Variants in SYTL5 observed in about 807,000 individuals in gnomAD.
The protein encoded by SYTL5 is synaptotagmin-like protein 5.
A neutral mutation model predicts 55.9 loss-of-function variants in SYTL5; 34 were observed. The observed-to-expected ratio is 0.61, with a 90% CI of 0.46 to 0.81. SYTL5 has a LOEUF of 0.81. Among genes scored for constraint, SYTL5 ranks in the 30% least tolerant of loss-of-function variants. SYTL5 has a pLI of 0.00. For synonymous variants in SYTL5, 221 were observed against 188.7 expected (o/e 1.17, Z -1.40); for missense variants, 637 against 546.7 (o/e 1.17, Z -1.65).
At chrX:37,954,767 G>A in the SYTL5 span, among the ~76,000 whole-genome samples, 11 of 111,061 alleles carry the variant, frequency 9.9e-5, no homozygotes, top group Admixed American at 6.7e-4. Context: ...CACCACACAC[G>A]TACGCACACA....
chrX:37,942,828 C>T, the SYTL5 span, among the ~76,000 whole-genome samples: 1 of 111,511 alleles, frequency 9.0e-6, no homozygotes, highest in African/African-American at 3.3e-5. Flanking sequence ...TAGCTATGCC[C>T]GATCACAGAG....
intron 2 of SYTL5, among the ~76,000 whole-genome samples, chrX:38,035,452 G>A (rs986444862): frequency 2.2e-4 from 24 of 111,237 alleles, no homozygotes; most frequent in Non-Finnish European, 4.3e-4. Flanking sequence ...TTAGCCGGGC[G>A]TGGTGGCGGG....
At chrX:37,952,828 A>G in the SYTL5 span, among the ~76,000 whole-genome samples, 1 of 111,346 alleles carries the variant, frequency 9.0e-6, no homozygotes, top group Non-Finnish European at 1.9e-5. Flanking sequence ...TGGAGGACAG[A>G]TTTAGGGGAA....
the SYTL5 span, among the ~76,000 whole-genome samples, chrX:37,956,971 T>G: frequency 0.36 from 39,517 of 110,398 alleles, 5,133 homozygotes; most frequent in East Asian, 0.6. Flanking sequence ...CCTTTTTATC[T>G]TAGCCATTCT....
chrX:38,041,800 A>G (rs1339861414), intron 2 of SYTL5, among the ~76,000 whole-genome samples: 2 of 111,825 alleles, frequency 1.8e-5, no homozygotes, highest in Non-Finnish European at 3.8e-5. Context: ...AAATAAATAA[A>G]CTTGCCAGAT....
chrX:37,959,735 T>C, the SYTL5 span, among the ~76,000 whole-genome samples: 1 of 111,764 alleles, frequency 8.9e-6, no homozygotes, highest in Admixed American at 9.5e-5. Flanking sequence ...CTTTCCCTAA[T>C]ATGTCCCTTT....
intron 9 of SYTL5, among the ~76,000 whole-genome samples, chrX:38,101,321 T>C (rs998854420): frequency 1.6e-4 from 18 of 111,368 alleles, no homozygotes; most frequent in African/African-American, 5.9e-4. Flanking sequence ...TATATATCTA[T>C]GTTTTATGTA....
At position 38,128,691 on chromosome X, in the gene SYTL5, C is replaced by A. The variant is rs978556678; in HGVS notation, c.*1961C>A. 3.6e-5 allele frequency: 4 copies of A among 111,683 alleles called. No homozygotes were observed. The highest frequency in any genetic ancestry group is 5.6e-5 in the Non-Finnish European group (3 of 53,156). 9.2% of individuals were successfully genotyped at this position (111,683 alleles called of 1,213,427 possible). On this transcript the variant is annotated 3_prime_UTR_variant, in exon 17 of 17. Transcript: ENST00000297875. ...TGGTTATTAGTCTAGTGTCGCTTAGCAAGGTACTTAAAAGAAAATCTGCAC... is the reference window on the plus strand; with the variant it reads ...TGGTTATTAGTCTAGTGTCGCTTAGAAAGGTACTTAAAAGAAAATCTGCAC...
chrX:38,115,772 ATTAT>A (rs1172802525), intron 13 of SYTL5, among the ~76,000 whole-genome samples: 1 of 111,144 alleles, frequency 9.0e-6, no homozygotes, highest in East Asian at 2.8e-4. Context: ...ATTTAATTGG[ATTAT>A]TTGTTTTCTT....
chrX:37,932,347 T>G, the SYTL5 span, among the ~76,000 whole-genome samples: 2 of 111,525 alleles, frequency 1.8e-5, no homozygotes, highest in Admixed American at 9.5e-5. Context: ...ATCTTTACTT[T>G]AAAGAGATGG....
At chrX:37,999,399 C>T in the SYTL5 span, among the ~76,000 whole-genome samples, 39 of 112,643 alleles carry the variant, frequency 3.5e-4, 1 homozygote, top group African/African-American at 8.7e-4. Flanking sequence ...ATTTGATCCT[C>T]TTAATGTTCT....
At chrX:37,991,845 CTTT>C in the SYTL5 span, among the ~76,000 whole-genome samples, 1 of 111,942 alleles carries the variant, frequency 8.9e-6, no homozygotes, top group South Asian at 3.8e-4. Flanking sequence ...TTTCTTATTT[CTTT>C]ATGCCCTGCC....
At chrX:37,889,223 C>T in the SYTL5 span, among the ~76,000 whole-genome samples, 1 of 112,135 alleles carries the variant, frequency 8.9e-6, no homozygotes, top group East Asian at 2.8e-4. Context: ...TGTAAGTGAC[C>T]CAGAGAATAC....
At chrX:37,997,754 G>A in the SYTL5 span, among the ~76,000 whole-genome samples, 1 of 112,510 alleles carries the variant, frequency 8.9e-6, no homozygotes, top group Non-Finnish European at 1.9e-5. Context: ...TCCACATTGA[G>A]GCCCCGAGTT....
intron 10 of SYTL5, among the ~76,000 whole-genome samples, chrX:38,106,245 G>T (rs1286498951): frequency 8.9e-6 from 1 of 112,227 alleles, no homozygotes; most frequent in African/African-American, 3.2e-5. Flanking sequence ...AGTGAAAATG[G>T]AGAAAGCTGC....
intron 2 of SYTL5, among the ~76,000 whole-genome samples, chrX:38,044,537 C>T (rs943800146): frequency 8.9e-6 from 1 of 112,165 alleles, no homozygotes; most frequent in Non-Finnish European, 1.9e-5. Flanking sequence ...TCATGAGCAA[C>T]ATGTTCTCTC....
the SYTL5 span, among the ~76,000 whole-genome samples, chrX:37,987,635 G>T: frequency 7.2e-5 from 8 of 111,865 alleles, no homozygotes; most frequent in African/African-American, 2.6e-4. Flanking sequence ...TATTAGGAGG[G>T]TATACAAACA....
chrX:37,902,583 A>G, the SYTL5 span, among the ~76,000 whole-genome samples: 4,239 of 112,054 alleles, frequency 0.038, 97 homozygotes, highest in Non-Finnish European at 0.059. Flanking sequence ...AAATGCTTGT[A>G]TACATATAAT....
intron 1 of SYTL5, among the ~76,000 whole-genome samples, chrX:38,029,047 T>C (rs762861521): frequency 8.9e-6 from 1 of 112,375 alleles, no homozygotes; most frequent in African/African-American, 3.2e-5. Context: ...TATTTGACCA[T>C]AAGGTAAGAT....
Sources: gnomAD v4.1 joint callset for allele counts (sites outside exome capture counted in the v4.1 genomes callset) on GRCh38, gnomAD v4.1.1 for gene constraint, MANE v1.5 for transcripts, NCBI Gene and HGNC (gene_info 2026-07-23, HGNC 2026-07-21) for gene names.